Variants in PRDM16 observed in about 807,000 individuals in gnomAD.
PRDM16 encodes histone-lysine N-methyltransferase PRDM16.
PRDM16 carries 23 observed loss-of-function variants against 110.6 expected under a neutral mutation model. That is an observed-to-expected ratio of 0.21 (90% CI 0.15 to 0.29). The LOEUF is 0.29. PRDM16 is among the 10% of genes least tolerant of loss of function. The pLI, the probability that PRDM16 is intolerant of heterozygous loss-of-function variation, is 1.00. For missense variants in PRDM16, 1,615 were observed against 1,794.3 expected (o/e 0.90, Z 1.81); for synonymous variants, 799 against 781.8 (o/e 1.02, Z -0.37).
intron 3 of PRDM16, among the ~76,000 whole-genome samples, chr1:3,314,076 G>A (rs554160214): frequency 6.6e-6 from 1 of 151,296 alleles, no homozygotes; most frequent in Non-Finnish European, 1.5e-5. Flanking sequence ...CCCACCGGGG[G>A]GGGGGGCGGG....
At chr1:3,424,747 A>G (rs951619397) in intron 12 of PRDM16, among the ~76,000 whole-genome samples, 1 of 152,196 alleles carries the variant, frequency 6.6e-6, no homozygotes, top group African/African-American at 2.4e-5. Flanking sequence ...GGGCCTGCCC[A>G]GGGGCCCCCA....
rs1639105161 is a variant in PRDM16 at position 3,219,515 on chromosome 1, G to T, written c.388-24572G>T. Among the ~76,000 whole-genome samples, 2 of 152,204 alleles carry T rather than the reference G, an allele frequency of 1.3e-5. 1 individual carries two copies. Among genetic ancestry groups the T allele is most frequent in the South Asian group, 4.1e-4 (2 of 4,824 alleles). ...GGAGGAGAGCGCAGGGGGCTGGCAGGCCCTCGGTAGGGCAGTATCATCTTT... is the reference window on the plus strand; with the variant it reads ...GGAGGAGAGCGCAGGGGGCTGGCAGTCCCTCGGTAGGGCAGTATCATCTTT... On this transcript the variant is annotated intron_variant, in intron 2 of 16. Coordinates refer to ENST00000270722, the MANE Select transcript of PRDM16 (RefSeq NM_022114.4).
chr1:3,239,014 A>G (rs1222246722), intron 2 of PRDM16, among the ~76,000 whole-genome samples: 2 of 152,210 alleles, frequency 1.3e-5, no homozygotes, highest in Admixed American at 6.5e-5. Flanking sequence ...GGCCCCCCAC[A>G]TGTGGCAGGG....
chr1:3,153,236 AG>A (rs750709646), intron 1 of PRDM16, among the ~76,000 whole-genome samples: 116 of 152,240 alleles, frequency 7.6e-4, no homozygotes, highest in Non-Finnish European at 1.4e-3. Flanking sequence ...ATAGCTCTGG[AG>A]TGGTGAGCTC....
At chr1:3,369,563 TC>T (rs1465173265) in intron 3 of PRDM16, among the ~76,000 whole-genome samples, 17 of 152,242 alleles carry the variant, frequency 1.1e-4, no homozygotes, top group African/African-American at 3.4e-4. Context: ...TCGTTCCAGT[TC>T]ACGGGCCCTG....
intron 1 of PRDM16, among the ~76,000 whole-genome samples, chr1:3,135,710 G>C (rs1643424165): frequency 6.6e-6 from 1 of 152,226 alleles, no homozygotes; most frequent in Non-Finnish European, 1.5e-5. Flanking sequence ...CACTGCTGGG[G>C]CTTAGGCGTA....
intron 1 of PRDM16, among the ~76,000 whole-genome samples, chr1:3,125,770 G>A (rs1386530101): frequency 3.3e-5 from 5 of 152,214 alleles, no homozygotes; most frequent in Non-Finnish European, 7.3e-5. Flanking sequence ...ACCCCACTAC[G>A]CCTGGCCCCT....
At chr1:3,324,637 C>G (rs1490247152) in intron 3 of PRDM16, among the ~76,000 whole-genome samples, 2 of 152,018 alleles carry the variant, frequency 1.3e-5, no homozygotes, top group African/African-American at 2.4e-5. Flanking sequence ...TGGCCCCCAC[C>G]CAAGCACTGA....
chr1:3,264,661 G>A (rs773101546), intron 3 of PRDM16, among the ~76,000 whole-genome samples: 22 of 149,688 alleles, frequency 1.5e-4, no homozygotes, highest in Non-Finnish European at 2.4e-4. Flanking sequence ...GGGGAGGGGC[G>A]TGGAGGGGCA....
rs1381698230 is a variant in PRDM16, at chr1:3,181,877, C to T, written c.38-4248C>T. 1.0e-3 allele frequency among the ~76,000 whole-genome samples: 98 copies of T among 95,636 alleles called. 1 individual carries two copies. Among genetic ancestry groups the T allele is most frequent in the Non-Finnish European group, 1.6e-3 (66 of 40,566 alleles). 62.7% of individuals were successfully genotyped at this position (95,636 alleles called of 152,430 possible). On this transcript the variant is annotated intron_variant, in intron 1 of 16. Transcript: ENST00000270722. ...TTACACACGCAGTCTTACACACGGT[C>T]TTGCACACGCAGTCTTACACACGGT...
At chr1:3,405,241 A>G (rs1175384925) in intron 7 of PRDM16, among the ~76,000 whole-genome samples, 3 of 152,220 alleles carry the variant, frequency 2.0e-5, no homozygotes, top group African/African-American at 7.2e-5. Context: ...CGCTTTCTGC[A>G]GCCCTGTCTC....
At chr1:3,413,595 A>T (rs775065416) in intron 9 of PRDM16, among the ~76,000 whole-genome samples, 11 of 152,196 alleles carry the variant, frequency 7.2e-5, no homozygotes, top group Non-Finnish European at 1.3e-4. Context: ...GGAGACAGGC[A>T]GGAGACCCTG....
chr1:3,115,963 C>T (rs1002762851), intron 1 of PRDM16, among the ~76,000 whole-genome samples: 4 of 152,112 alleles, frequency 2.6e-5, no homozygotes, highest in African/African-American at 7.2e-5. Flanking sequence ...CTGTCCATGC[C>T]CCAGCCTCCC....
chr1:3,381,605 G>C (rs1053938534), intron 3 of PRDM16, among the ~76,000 whole-genome samples: 1 of 151,982 alleles, frequency 6.6e-6, no homozygotes, highest in Non-Finnish European at 1.5e-5. Context: ...TGGCCAGCCT[G>C]GTCTTGAACT....
At chr1:3,357,419 G>A (rs761872662) in intron 3 of PRDM16, among the ~76,000 whole-genome samples, 30 of 151,572 alleles carry the variant, frequency 2.0e-4, no homozygotes, top group South Asian at 1.0e-3. Context: ...AGCTCCAGCC[G>A]TGGGAAATGG....
At chr1:3,230,607 G>A (rs1269687130) in intron 2 of PRDM16, among the ~76,000 whole-genome samples, 1 of 152,246 alleles carries the variant, frequency 6.6e-6, no homozygotes, top group Non-Finnish European at 1.5e-5. Context: ...AGCCGTTTCA[G>A]ACTGCTTCCC....
At chr1:3,187,262 C>T (rs4233024) in intron 2 of PRDM16, among the ~76,000 whole-genome samples, 123,222 of 152,158 alleles carry the variant, frequency 0.81, 50,198 homozygotes, top group Middle Eastern at 0.88. Flanking sequence ...GCCCTTCTGC[C>T]GGCCTCACGC....
At chr1:3,381,401 T>G (rs1217456637) in intron 3 of PRDM16, among the ~76,000 whole-genome samples, 49 of 108,306 alleles carry the variant, frequency 4.5e-4, no homozygotes, top group African/African-American at 8.8e-4. Flanking sequence ...TTTTTTCTGG[T>G]TTTTTTTTTT....
chr1:3,270,984 G>A (rs1429248897), intron 3 of PRDM16, among the ~76,000 whole-genome samples: 2 of 152,178 alleles, frequency 1.3e-5, no homozygotes, highest in East Asian at 3.9e-4. Context: ...GGACAGTGTG[G>A]GCCCTGTTCG....
Sources: allele counts gnomAD v4.1 joint callset (sites outside exome capture counted in the v4.1 genomes callset), GRCh38; gene constraint gnomAD v4.1.1; transcripts MANE v1.5; gene names NCBI Gene and HGNC (gene_info 2026-07-23, HGNC 2026-07-21).